Variants in PODXL2 observed in about 807,000 individuals in gnomAD.
The protein encoded by PODXL2 is podocalyxin like 2.
PODXL2 carries 17 observed loss-of-function variants against 53.4 expected under a neutral mutation model. The observed-to-expected ratio is 0.32, with a 90% CI of 0.22 to 0.48. The LOEUF (loss-of-function observed/expected upper bound fraction) is 0.48. Among genes scored for constraint, PODXL2 ranks in the 20% least tolerant of loss-of-function variants. The pLI is 0.99. For missense variants in PODXL2, 673 were observed against 760.0 expected (o/e 0.89, Z 1.35); for synonymous variants, 311 against 306.7 (o/e 1.01, Z -0.15).
At chr3:127,662,495 C>T (rs1211693960) in intron 4 of PODXL2, among the ~76,000 whole-genome samples, 184 bp downstream of exon 4, 1 of 152,178 alleles carries the variant, frequency 6.6e-6, no homozygotes, top group Admixed American at 6.5e-5. Flanking sequence ...TTTAAAATGT[C>T]CAAAGGCTCT....
rs931786514 is a variant in PODXL2 at position 127,672,375 on chromosome 3, G to C, written c.1713G>C (p.Leu571=). ...QSEMQEKHPS[L]NGGGALNGPG... The stretch of plus-strand genomic sequence containing the variant: ...AGATGCAGGAGAAGCACCCCAGCCT[G>C]AACGGCGGCGGGGCCCTCAACGGCC... The change falls in exon 8 of 8, where the codon CTG becomes CTC. Residue 571 remains leucine, a synonymous_variant. Transcript: ENST00000342480. The C allele has an allele frequency of 1.9e-6, 3 of 1,547,418 alleles. No homozygotes were observed. The highest frequency in any genetic ancestry group is 1.4e-5 in the African/African-American group (1 of 73,110).
At chr3:127,633,993 T>C (rs965199395) in intron 1 of PODXL2, among the ~76,000 whole-genome samples, 2 of 151,824 alleles carry the variant, frequency 1.3e-5, no homozygotes, top group African/African-American at 4.8e-5. Flanking sequence ...GGTAGTCAGT[T>C]TGTCTGAAGC....
intron 2 of PODXL2, among the ~76,000 whole-genome samples, chr3:127,642,019 A>AT (rs2074624028): frequency 0.036 from 5 of 138 alleles, no homozygotes; most frequent in Non-Finnish European, 0.069. Flanking sequence ...AGGGCCGGGC[A>AT]CGTGGCTCAC....
At chr3:127,645,211 A>G (rs2107706732) in intron 2 of PODXL2, among the ~76,000 whole-genome samples, 1 of 152,264 alleles carries the variant, frequency 6.6e-6, no homozygotes, top group Admixed American at 6.5e-5. Flanking sequence ...TGCTTGGCAG[A>G]GTTGAACTGA....
intron 6 of PODXL2, 44 bp from the exon 7 acceptor site, chr3:127,671,390 A>T: frequency 6.3e-7 from 1 of 1,577,920 alleles, no homozygotes; most frequent in Non-Finnish European, 8.7e-7. Flanking sequence ...GAGCCATGGC[A>T]CCCCAGGACC....
intron 2 of PODXL2, among the ~76,000 whole-genome samples, chr3:127,656,163 T>C (rs907135460): frequency 6.6e-6 from 1 of 152,230 alleles, no homozygotes; most frequent in South Asian, 2.1e-4. Context: ...TATTCTTACT[T>C]AAGACACTAG....
At chr3:127,666,534 A>G (rs1008017360) in intron 4 of PODXL2, among the ~76,000 whole-genome samples, 2 of 152,122 alleles carry the variant, frequency 1.3e-5, no homozygotes, top group African/African-American at 4.8e-5. Context: ...CAGCCTCCCA[A>G]GGAGCTGGGA....
rs747976795 is a variant in PODXL2 at position 127,671,593 on chromosome 3, C to G, written c.1585C>G (p.Leu529Val). The G allele has an allele frequency of 3.1e-6, 5 of 1,613,564 alleles. No homozygotes were observed. The African/African-American group carries it at 6.7e-5, about 22-fold the overall frequency. ...GLLYNCWQRR[L>V]PKLKHVSHGE... The stretch of plus-strand genomic sequence containing the variant: ...GCTCTACAACTGCTGGCAGCGCCGG[C>G]TGCCCAAGCTCAAGCACGTGGTGAG... Residue 529 changes from leucine (L) to valine (V), a missense_variant, in exon 7 of 8, where the codon CTG (leucine) becomes GTG (valine). Physicochemically the swap from Leu to Val is conservative, Grantham distance 32. Transcript: ENST00000342480.
chr3:127,671,537 C>T lies in PODXL2; in HGVS notation c.1529C>T (p.Ala510Val). Residue 510 changes from alanine (A) to valine (V), a missense_variant, in exon 7 of 8, where the codon GCC (alanine) becomes GTC (valine). Ala to Val is a moderately conservative substitution (Grantham distance 64). Transcript: ENST00000342480. ...TTCGTGGTGCTGGTGGTCATTGGGG[C>T]CATCTGCATCATCATCATTGCGCTT... ...TLFVVLVVIG[A>V]ICIIIIALGL... is the part of the protein sequence containing the mutation. The T allele has an allele frequency of 1.2e-6, 2 of 1,614,174 alleles. No individual in the cohort carries two copies. Among genetic ancestry groups the T allele is most frequent in the Non-Finnish European group, 1.7e-6 (2 of 1,180,014 alleles).
chr3:127,629,342 G>C lies in PODXL2; in HGVS notation c.70+53G>C. 2 of 1,006,684 alleles carry C rather than the reference G, an allele frequency of 2.0e-6. No homozygotes were observed. Among genetic ancestry groups the C allele is most frequent in the Non-Finnish European group, 2.4e-6 (2 of 844,394 alleles). 62.4% of individuals were successfully genotyped at this position (1,006,684 alleles called of 1,614,324 possible). On this transcript the variant is annotated intron_variant, in intron 1 of 7. Coordinates refer to ENST00000342480, the MANE Select transcript of PODXL2 (RefSeq NM_015720.4). This position sits in a 1 kb window ranked among gnomAD's most constrained non-coding sequence, Gnocchi z 6.4. ...GAGGGCGGGCGGCGGCGTGGGCGCG[G>C]TGCTGGACAGCTCCCCGGGCCGCCA... is the stretch of plus-strand genomic sequence containing the variant.
intron 4 of PODXL2, among the ~76,000 whole-genome samples, chr3:127,665,155 C>T (rs1437334918): frequency 6.6e-6 from 1 of 152,188 alleles, no homozygotes; most frequent in African/African-American, 2.4e-5. Context: ...TTCTTCCCTC[C>T]CATGCCGGGA....
chr3:127,671,369 C>A, intron 6 of PODXL2, 65 bp from the exon 7 acceptor site: 1 of 1,501,346 alleles, frequency 6.7e-7, no homozygotes, highest in Non-Finnish European at 9.2e-7. Context: ...CCCAATGCAA[C>A]CACCCCAGAG....
Position 127,660,663 on chromosome 3 carries a change from G to A in PODXL2, c.635G>A (p.Ser212Asn). 6.2e-7 allele frequency: 1 copy of A among 1,614,172 alleles called. No homozygotes were observed. The highest frequency in any genetic ancestry group is 8.5e-7 in the Non-Finnish European group (1 of 1,180,040). Residue 212 changes from serine to asparagine, a missense_variant, in exon 3 of 8, where the codon AGC becomes AAC. Physicochemically the swap from Ser to Asn is conservative, Grantham distance 46. Around this residue, in one of 3 missense-constraint regions of PODXL2, gnomAD observed 588 missense variants for 668.3 expected, o/e 0.88. Transcript: ENST00000342480. ...CGTGACTTTTCTCTCACCAGCAGCA[G>A]CCAGACCCCAGGGGCCACCAAAAGC... ...QVRDFSLTSS[S>N]QTPGATKSRH...
At chr3:127,652,518 C>T (rs1213415482) in intron 2 of PODXL2, among the ~76,000 whole-genome samples, 1 of 152,148 alleles carries the variant, frequency 6.6e-6, no homozygotes, top group East Asian at 1.9e-4. Flanking sequence ...ACATTCGTGG[C>T]CTCCCATGCT....
At chr3:127,639,954 C>T (rs758741126) in intron 2 of PODXL2, among the ~76,000 whole-genome samples, 15 of 152,214 alleles carry the variant, frequency 9.9e-5, no homozygotes, top group Middle Eastern at 3.2e-3. Flanking sequence ...CTGCTCTATG[C>T]TGTCTCTGTT....
intron 6 of PODXL2, among the ~76,000 whole-genome samples, chr3:127,671,068 C>CT (rs1003788344): frequency 3.3e-5 from 5 of 152,206 alleles, no homozygotes; most frequent in African/African-American, 1.2e-4. Context: ...TCCTGTCTCT[C>CT]TAACTAGTTA....
At chr3:127,669,944 C>T (rs1254140840) in intron 6 of PODXL2, among the ~76,000 whole-genome samples, 1 of 152,244 alleles carries the variant, frequency 6.6e-6, no homozygotes, top group African/African-American at 2.4e-5. Flanking sequence ...TGCCTTTGCT[C>T]ACTGTAGAGT....
At chr3:127,647,838 G>A (rs1428266505) in intron 2 of PODXL2, among the ~76,000 whole-genome samples, 2 of 152,176 alleles carry the variant, frequency 1.3e-5, no homozygotes, top group African/African-American at 4.8e-5. Context: ...GCTTGGGGAT[G>A]GAATTTGACT....
chr3:127,667,972 A>C (rs1325211446), intron 4 of PODXL2, among the ~76,000 whole-genome samples: 1 of 152,092 alleles, frequency 6.6e-6, no homozygotes, highest in Non-Finnish European at 1.5e-5. Context: ...TTTGGCCATC[A>C]CCACTCCCAC....
Sources: gnomAD v4.1 joint callset for allele counts (sites outside exome capture counted in the v4.1 genomes callset) on GRCh38, gnomAD v4.1.1 for gene constraint, gnomAD v4.1.1 regional missense constraint, Gnocchi (gnomAD v3.1) non-coding constraint, MANE v1.5 for transcripts, NCBI Gene and HGNC (gene_info 2026-07-23, HGNC 2026-07-21) for gene names.